Variants in ASB3 observed in about 807,000 individuals in gnomAD.
The protein encoded by ASB3 is ankyrin repeat and SOCS box protein 3.
A neutral mutation model predicts 54.5 loss-of-function variants in ASB3; 41 were observed. The observed-to-expected ratio is 0.75, with a 90% CI of 0.59 to 0.98. The LOEUF (loss-of-function observed/expected upper bound fraction) is 0.98. Ranked by LOEUF, ASB3 falls within the 50% of genes least tolerant of loss-of-function variation. ASB3 has a pLI of 0.00. For missense variants in ASB3, 733 were observed against 620.0 expected (o/e 1.18, Z -1.94); for synonymous variants, 266 against 221.2 (o/e 1.20, Z -1.80).
In ASB3 at chr2:53,771,703, T is replaced by C. The variant is rs548043405; in HGVS notation, c.-13-6118A>G. 2.9e-3 allele frequency among the ~76,000 whole-genome samples: 445 copies of C among 152,278 alleles called. 1 individual carries two copies. The highest frequency in any genetic ancestry group is 5.1e-3 in the Non-Finnish European group (348 of 68,018). On this transcript the variant is annotated intron_variant, in intron 1 of 9. Coordinates refer to ENST00000263634, the MANE Select transcript of ASB3 (RefSeq NM_016115.5). ...ATACGTATAAATTGATGGAAATCTTTTAGAAAGGCCAACACAGTCTCTAGA... is the reference window on the plus strand; with the variant it reads ...ATACGTATAAATTGATGGAAATCTTCTAGAAAGGCCAACACAGTCTCTAGA...
At chr2:53,757,156 G>T (rs1048182732) in intron 2 of ASB3, among the ~76,000 whole-genome samples, 5 of 152,198 alleles carry the variant, frequency 3.3e-5, no homozygotes, top group African/African-American at 4.8e-5. Flanking sequence ...ACTTTCACTT[G>T]CTATTCTGTC....
In ASB3 at chr2:53,685,418, C is replaced by T. The variant is rs375525002; in HGVS notation, c.1369+8466G>A. Among the ~76,000 whole-genome samples the T allele has an allele frequency of 6.8e-4, 103 of 152,294 alleles. 1 individual carries two copies. Among genetic ancestry groups the T allele is most frequent in the Non-Finnish European group, 1.0e-3 (68 of 68,012 alleles). On this transcript the variant is annotated intron_variant, in intron 9 of 9. Transcript: ENST00000263634. Reference sequence around the variant, plus strand: ...TTCTCATCTACAATTAAAGCAGCTGCGCAGGATCACCAAACTAAGGAACTA... The same window carrying T: ...TTCTCATCTACAATTAAAGCAGCTGTGCAGGATCACCAAACTAAGGAACTA...
intron 7 of ASB3, 131 bp from the exon 8 acceptor site, chr2:53,700,659 C>T (rs890847312): frequency 4.7e-6 from 6 of 1,282,604 alleles, no homozygotes; most frequent in African/African-American, 1.5e-5. Context: ...GGTTTCTACA[C>T]ATCTAGTGGA....
chr2:53,769,086 A>G (rs1331854357), intron 1 of ASB3, among the ~76,000 whole-genome samples: 1 of 152,244 alleles, frequency 6.6e-6, no homozygotes, highest in Admixed American at 6.5e-5. Flanking sequence ...AGTGACCTGA[A>G]AAGGGGCAAT....
At chr2:53,767,677 T>C (rs1673565596) in intron 1 of ASB3, 4 of 602,222 alleles carry the variant, frequency 6.6e-6, no homozygotes, top group South Asian at 6.1e-5. Context: ...CAATGCCTCT[T>C]GACACCCTAA....
chr2:53,733,250 AC>A (rs945323531), intron 3 of ASB3, among the ~76,000 whole-genome samples: 16 of 152,252 alleles, frequency 1.1e-4, no homozygotes, highest in Admixed American at 2.0e-4. Context: ...CATGTCAGCA[AC>A]AGCAAATTAA....
At chr2:53,744,384 C>CAAAA (rs779225958) in intron 3 of ASB3, among the ~76,000 whole-genome samples, 6,252 of 137,794 alleles carry the variant, frequency 0.045, 281 homozygotes, top group East Asian at 0.1. Context: ...GACTCTGTCT[C>CAAAA]AAAAAAATAA....
intron 5 of ASB3, among the ~76,000 whole-genome samples, chr2:53,726,929 G>C (rs1671033001): frequency 6.6e-6 from 1 of 152,002 alleles, no homozygotes; most frequent in Admixed American, 6.6e-5. Flanking sequence ...CCTGACCTCA[G>C]GCCTCCCAAA....
chr2:53,704,635 C>T (rs1243606050), intron 7 of ASB3, among the ~76,000 whole-genome samples: 1 of 151,976 alleles, frequency 6.6e-6, no homozygotes, highest in African/African-American at 2.4e-5. Flanking sequence ...CATTTTCTTG[C>T]TTAATTGGAA....
intron 5 of ASB3, among the ~76,000 whole-genome samples, chr2:53,728,298 A>C (rs1334317510): frequency 6.6e-6 from 1 of 152,180 alleles, no homozygotes; most frequent in Non-Finnish European, 1.5e-5. Flanking sequence ...ACCTGCTTTG[A>C]AATAAACCTA....
chr2:53,696,760 C>T (rs978193054), intron 8 of ASB3, among the ~76,000 whole-genome samples: 2 of 151,492 alleles, frequency 1.3e-5, no homozygotes, highest in Non-Finnish European at 2.9e-5. Flanking sequence ...AAATACAGTA[C>T]AACAACTATT....
At chr2:53,690,325 C>T (rs1282440325) in intron 9 of ASB3, among the ~76,000 whole-genome samples, 3 of 152,136 alleles carry the variant, frequency 2.0e-5, no homozygotes, top group African/African-American at 7.2e-5. Flanking sequence ...GCTCAAAAGG[C>T]ACACAGGCCA....
chr2:53,764,536 C>T (rs1572993204), intron 2 of ASB3, among the ~76,000 whole-genome samples: 1 of 152,324 alleles, frequency 6.6e-6, no homozygotes, highest in South Asian at 2.1e-4. Flanking sequence ...CAAAGCAATG[C>T]TCAGTCACCA....
At chr2:53,712,952 C>G (rs1450911303) in intron 7 of ASB3, among the ~76,000 whole-genome samples, 1 of 152,140 alleles carries the variant, frequency 6.6e-6, no homozygotes, top group Non-Finnish European at 1.5e-5. Flanking sequence ...TAACGGGGTA[C>G]ACAAGAAAAT....
At chr2:53,733,549 C>G (rs1671442787) in intron 3 of ASB3, among the ~76,000 whole-genome samples, 1 of 151,936 alleles carries the variant, frequency 6.6e-6, no homozygotes, top group African/African-American at 2.4e-5. Flanking sequence ...TCAAGCGGTT[C>G]TCCTGCGTCA....
intron 9 of ASB3, among the ~76,000 whole-genome samples, chr2:53,684,618 C>T (rs1005725279): frequency 6.6e-6 from 1 of 152,174 alleles, no homozygotes; most frequent in African/African-American, 2.4e-5. Context: ...CCAGTTTATC[C>T]TCGGTAGTCC....
intron 3 of ASB3, among the ~76,000 whole-genome samples, chr2:53,749,329 G>C (rs910466357): frequency 1.3e-5 from 2 of 152,044 alleles, no homozygotes; most frequent in African/African-American, 4.8e-5. Flanking sequence ...TGTTGGCAAG[G>C]ATATGGGGCA....
At chr2:53,694,264 GTAGGAACT>G (rs898003559) in intron 8 of ASB3, 55 of 355,246 alleles carry the variant, frequency 1.5e-4, no homozygotes, top group African/African-American at 1.1e-3. Context: ...CTCAGAGAGA[GTAGGAACT>G]TTCCTTCTCA....
intron 1 of ASB3, among the ~76,000 whole-genome samples, chr2:53,775,723 G>A (rs142453573): frequency 0.017 from 2,522 of 152,264 alleles, 72 homozygotes; most frequent in African/African-American, 0.058. Context: ...TGATCCACCA[G>A]CCTCAGCCTC....
Sources: gnomAD v4.1 joint callset for allele counts (sites outside exome capture counted in the v4.1 genomes callset) on GRCh38, gnomAD v4.1.1 for gene constraint, MANE v1.5 for transcripts, NCBI Gene and HGNC (gene_info 2026-07-23, HGNC 2026-07-21) for gene names.